Variants in F3 observed in about 807,000 individuals in gnomAD.
F3 encodes the protein tissue factor.
F3 carries 18 observed loss-of-function variants against 33.5 expected under a neutral mutation model. The observed-to-expected ratio is 0.54, with a 90% CI of 0.37 to 0.80. The LOEUF (loss-of-function observed/expected upper bound fraction) is 0.80, where lower values mean the gene tolerates loss of function less well. Ranked by LOEUF, F3 falls within the 30% of genes least tolerant of loss-of-function variation. F3 has a pLI of 0.00. For synonymous variants in F3, 147 were observed against 140.7 expected (o/e 1.05, Z -0.32); for missense variants, 353 against 362.1 (o/e 0.97, Z 0.20).
At chr1:94,535,680 C>T (rs924434745) in intron 3 of F3, among the ~76,000 whole-genome samples, 2 of 151,942 alleles carry the variant, frequency 1.3e-5, no homozygotes. Context: ...TTCCCTGGCC[C>T]GCCCTCTCCC....
chr1:94,533,424 G>A (rs906059357), intron 3 of F3, among the ~76,000 whole-genome samples, 156 bp from the exon 4 acceptor site: 1 of 152,220 alleles, frequency 6.6e-6, no homozygotes, highest in Non-Finnish European at 1.5e-5. Flanking sequence ...GCCTGGAGCT[G>A]AATCCTAAGA....
intron 3 of F3, among the ~76,000 whole-genome samples, chr1:94,534,627 C>T (rs907993751): frequency 6.6e-5 from 10 of 152,066 alleles, no homozygotes; most frequent in Non-Finnish European, 1.2e-4. Flanking sequence ...ATATGTAGGG[C>T]TGTGAGAAAG....
rs1570859374 is a variant in F3, at chr1:94,530,311, T to G, written c.*149A>C. The G allele has an allele frequency of 4.5e-6, 4 of 880,038 alleles. No individual in the cohort carries two copies. Among genetic ancestry groups the G allele is most frequent in the Non-Finnish European group, 6.9e-6 (4 of 580,738 alleles). The allele number at this position is 880,038 out of a possible 1,614,324, so 54.5% of individuals were successfully genotyped here. ...GCTGATGTCAAAACCAGAATGCTAA[T>G]GGTAATAACAGGTCATATCAAGAGT... On this transcript the variant is annotated 3_prime_UTR_variant, in exon 6 of 6. Coordinates refer to ENST00000334047, the MANE Select transcript of F3 (RefSeq NM_001993.5).
At chr1:94,535,826 A>T in intron 3 of F3, 139 bp downstream of exon 3, 1 of 748,744 alleles carries the variant, frequency 1.3e-6, no homozygotes, top group Non-Finnish European at 2.2e-6. Context: ...GAATGTGTGA[A>T]GAGGGCTGTG....
rs1164748238 is a variant in F3 at position 94,532,400 on chromosome 1, C to T, written c.672G>A (p.Val224=). The T allele has an allele frequency of 3.1e-6, 5 of 1,614,172 alleles. No homozygotes were observed. Among genetic ancestry groups the T allele is most frequent in the Non-Finnish European group, 4.2e-6 (5 of 1,180,014 alleles). Residue 224 remains valine (V), a synonymous_variant, in exon 5 of 6, where the codon GTG becomes GTA. Coordinates refer to ENST00000334047, the MANE Select transcript of F3 (RefSeq NM_001993.5). ...GENYCFSVQA[V]IPSRTVNRKS... ...TCCGGTTAACTGTTCGGGAGGGAAT[C>T]ACTGCTTGAACACTGAAACAGTAGT...
intron 5 of F3, among the ~76,000 whole-genome samples, chr1:94,531,566 T>G (rs893080484): frequency 8.5e-5 from 13 of 152,270 alleles, no homozygotes; most frequent in Admixed American, 3.9e-4. Context: ...CCTCCCAAAG[T>G]GCAGGGACTA....
rs1651382966 is a variant in F3, at chr1:94,530,391, T to C, written c.*69A>G. Reference sequence around the variant, plus strand: ...AAATACTCATTTGCGTTTCCATGTATTCTATCCTCTTAAAAGTTCTCGGTC... The same window carrying C: ...AAATACTCATTTGCGTTTCCATGTACTCTATCCTCTTAAAAGTTCTCGGTC... On this transcript the variant is annotated 3_prime_UTR_variant, in exon 6 of 6. Coordinates refer to ENST00000334047, the MANE Select transcript of F3 (RefSeq NM_001993.5). 6.3e-7 allele frequency: 1 copy of C among 1,596,296 alleles called. No homozygotes were observed. The highest frequency in any genetic ancestry group is 1.3e-5 in the African/African-American group (1 of 74,688).
chr1:94,533,677 T>C (rs1230493789), intron 3 of F3, among the ~76,000 whole-genome samples: 1 of 152,076 alleles, frequency 6.6e-6, no homozygotes, highest in African/African-American at 2.4e-5. Flanking sequence ...ACTTCCTCCA[T>C]CTTTTCTCCT....
Position 94,532,957 on chromosome 1 carries a change from C to T in F3, c.591+133G>A, listed in dbSNP as rs115808224. On this transcript the variant is annotated intron_variant, in intron 4 of 5. Transcript: ENST00000334047. ...GTTGTCCACCCCTCCCCACAGTGCG[C>T]GCTCCCCCTTCTACTCCATCACCTT... 152 of 859,716 alleles carry T rather than the reference C, an allele frequency of 1.8e-4. No individual in the cohort carries two copies. The African/African-American group carries it at 2.3e-3, about 13-fold the overall frequency. The allele number at this position is 859,716 out of a possible 1,614,324, so 53.3% of individuals were successfully genotyped here.
intron 1 of F3, chr1:94,540,837 T>C (rs1651751862): frequency 6.4e-6 from 1 of 156,778 alleles, no homozygotes; most frequent in South Asian, 2.0e-4. Flanking sequence ...TTATCTGAAA[T>C]GTCGCTACAC....
At chr1:94,540,225 AC>A in intron 2 of F3, 31 bp downstream of exon 2, 1 of 1,359,840 alleles carries the variant, frequency 7.4e-7, no homozygotes, top group East Asian at 2.3e-5. Flanking sequence ...AACATCAAAG[AC>A]CTTAATTTTC....
intron 1 of F3, 21 bp from the exon 2 acceptor site, chr1:94,540,389 G>A (rs754470542): frequency 3.5e-5 from 53 of 1,534,694 alleles, no homozygotes; most frequent in Admixed American, 2.4e-4. Context: ...CAGAGAAACA[G>A]CTATTATTAC....
At chr1:94,530,987 T>G (rs1267019720) in intron 5 of F3, among the ~76,000 whole-genome samples, 1 of 152,122 alleles carries the variant, frequency 6.6e-6, no homozygotes, top group African/African-American at 2.4e-5. Context: ...GAAGAAGAGA[T>G]AGTAACTAGT....
intron 3 of F3, among the ~76,000 whole-genome samples, chr1:94,535,526 T>G (rs980536442): frequency 3.3e-5 from 5 of 152,112 alleles, no homozygotes; most frequent in African/African-American, 1.2e-4. Flanking sequence ...ACCATGGACT[T>G]TCCTCATTGA....
chr1:94,540,913 A>T (rs1440126154), intron 1 of F3: 1 of 154,082 alleles, frequency 6.5e-6, no homozygotes, highest in Non-Finnish European at 1.4e-5. Context: ...TTGGATCAGG[A>T]TTATTTCTTA....
chr1:94,541,504 C>T (rs937474249), intron 1 of F3, 33 bp downstream of exon 1: 2 of 1,425,228 alleles, frequency 1.4e-6, no homozygotes, highest in African/African-American at 3.0e-5. Context: ...GCGTGTGGCG[C>T]GCCCCGGGCT....
rs143237190 is a variant in F3, at chr1:94,536,099, T to C, written c.278A>G (p.Asp93Gly). The C allele has an allele frequency of 1.0e-3, 1,610 of 1,614,120 alleles. 14 individuals carry two copies. The African/African-American group carries it at 0.017, about 17-fold the overall frequency. ...CTGCTTCACATCCTTCACAATCTCG[T>C]CGGTGAGGTCACACTCTGTGTCTGT... ...YTTDTECDLTDEIVKDVKQTY... is the reference protein window; with the variant it reads ...YTTDTECDLTGEIVKDVKQTY... The change falls in exon 3 of 6, where the codon GAC becomes GGC. Residue 93 changes from aspartate (D) to glycine (G), a missense_variant. Transcript: ENST00000334047.
chr1:94,532,147 C>A (rs1651450872), intron 5 of F3, among the ~76,000 whole-genome samples, 174 bp downstream of exon 5: 2 of 151,966 alleles, frequency 1.3e-5, no homozygotes, highest in African/African-American at 2.4e-5. Context: ...CTTTTTTGTA[C>A]CAAAGCAAAA....
intron 3 of F3, 97 bp from the exon 4 acceptor site, chr1:94,533,365 T>C (rs1479123656): frequency 7.0e-7 from 1 of 1,421,488 alleles, no homozygotes; most frequent in African/African-American, 1.4e-5. Context: ...TTATCTCTCA[T>C]ATAAAACATG....
Sources: allele counts gnomAD v4.1 joint callset (sites outside exome capture counted in the v4.1 genomes callset), GRCh38; gene constraint gnomAD v4.1.1; transcripts MANE v1.5; gene names NCBI Gene and HGNC (gene_info 2026-07-23, HGNC 2026-07-21).